Variants in ZFAT observed in about 807,000 individuals in gnomAD.
ZFAT encodes the protein zinc finger protein ZFAT.
Under a neutral mutation model 117.7 loss-of-function variants are expected in ZFAT, and 64 were observed. The ratio of observed to expected loss-of-function variants is 0.54; its 90% confidence interval spans 0.44 to 0.67. The LOEUF (loss-of-function observed/expected upper bound fraction) is 0.67, where lower values mean the gene tolerates loss of function less well. Ranked by LOEUF, ZFAT falls within the 30% of genes least tolerant of loss-of-function variation. The probability of loss-of-function intolerance (pLI) is 0.00; values close to 1 mark genes in which losing one functional copy is unlikely to be tolerated. For missense variants in ZFAT, 1,433 were observed against 1,584.5 expected (o/e 0.90, Z 1.62); for synonymous variants, 679 against 615.0 (o/e 1.10, Z -1.54).
rs1031953969 is a variant in ZFAT at position 134,528,989 on chromosome 8, T to G, written c.3115+3845A>C. Among the ~76,000 whole-genome samples the G allele has an allele frequency of 1.1e-4, 17 of 152,244 alleles. 1 individual carries two copies. Among genetic ancestry groups the G allele is most frequent in the Non-Finnish European group, 7.3e-5 (5 of 68,044 alleles). ...TTTGAGCCATTCATCAAGAACTTAC[T>G]GTCGGCACTCTCTGGGAATCTTAGA... On this transcript the variant is annotated intron_variant, in intron 12 of 15. Coordinates refer to ENST00000377838, the MANE Select transcript of ZFAT (RefSeq NM_020863.4).
At chr8:134,828,722 T>C in the ZFAT span, among the ~76,000 whole-genome samples, 2 of 152,210 alleles carry the variant, frequency 1.3e-5, no homozygotes, top group Admixed American at 1.3e-4. Flanking sequence ...TGAATTAAAC[T>C]TCCCAAGTAC....
the ZFAT span, among the ~76,000 whole-genome samples, chr8:134,727,092 C>G: frequency 3.4e-5 from 5 of 148,868 alleles, no homozygotes; most frequent in Non-Finnish European, 7.4e-5. Context: ...TGACGCTAAA[C>G]AAGCACAAGA....
Position 134,637,649 on chromosome 8 carries a change from T to C in ZFAT, c.260A>G (p.Glu87Gly). ...PKGSTKKSST[E>G]EELAENIVSP... ...CACGATGTTTTCTGCCAGCTCCTCT[T>C]CTGTGCTGGACTTCTTCGTGGACCC... is the stretch of plus-strand genomic sequence containing the variant. The change falls in exon 3 of 16, where the codon GAA (glutamate) becomes GGA (glycine). Residue 87 changes from glutamate (E) to glycine (G), a missense_variant. Glu to Gly is a moderately conservative substitution (Grantham distance 98). Coordinates refer to ENST00000377838, the MANE Select transcript of ZFAT (RefSeq NM_020863.4). 1 of 1,614,170 alleles carries C rather than the reference T, an allele frequency of 6.2e-7. No individual in the cohort carries two copies. The highest frequency in any genetic ancestry group is 2.2e-5 in the East Asian group (1 of 44,882).
At chr8:134,785,039 A>C in the ZFAT span, 11 of 152,336 alleles carry the variant, frequency 7.2e-5, no homozygotes, top group East Asian at 2.1e-3. Context: ...GTTATAAGCA[A>C]TATGTAATTT....
intron 1 of ZFAT, 135 bp from the exon 2 acceptor site, chr8:134,657,872 G>T (rs1182879547): frequency 1.5e-5 from 14 of 946,020 alleles, no homozygotes; most frequent in Non-Finnish European, 2.0e-5. Context: ...CTCTCTGGCA[G>T]TCACCTCCAT....
At chr8:134,539,902 T>C (rs1363707775) in intron 11 of ZFAT, among the ~76,000 whole-genome samples, 1 of 152,182 alleles carries the variant, frequency 6.6e-6, no homozygotes, top group African/African-American at 2.4e-5. Context: ...ACAGTGGAGT[T>C]ACCCTGGCCA....
At chr8:134,755,368 G>A in the ZFAT span, among the ~76,000 whole-genome samples, 14 of 146,824 alleles carry the variant, frequency 9.5e-5, no homozygotes, top group Admixed American at 6.1e-4. Flanking sequence ...AGCCAAGATC[G>A]TGTCTCTGCA....
Position 134,588,333 on chromosome 8 carries a change from C to T in ZFAT, c.2626G>A (p.Gly876Arg). The change falls in exon 9 of 16, where the codon GGA (glycine) becomes AGA (arginine). Residue 876 changes from glycine (G) to arginine (R), a missense_variant. Around this residue, in one of 5 missense-constraint regions of ZFAT, gnomAD observed 503 missense variants for 543.4 expected, o/e 0.93. Coordinates refer to ENST00000377838, the MANE Select transcript of ZFAT (RefSeq NM_020863.4). ...GRRVQLKGLI[G>R]KRAMKCPYCD... ...TATGGGCATTTCATGGCTCTCTTTC[C>T]AATTAGCCCTTTCAGCTGAACCCTC... 6.3e-7 allele frequency: 1 copy of T among 1,592,092 alleles called. No homozygotes were observed.
At chr8:134,657,858 G>T in intron 1 of ZFAT, 121 bp from the exon 2 acceptor site, 1 of 1,089,674 alleles carries the variant, frequency 9.2e-7, no homozygotes, top group Non-Finnish European at 1.3e-6. Flanking sequence ...CTACCAGATT[G>T]TGTCTCTCTG....
At chr8:134,752,754 C>T in the ZFAT span, among the ~76,000 whole-genome samples, 5 of 152,188 alleles carry the variant, frequency 3.3e-5, no homozygotes, top group East Asian at 9.7e-4. Flanking sequence ...AGCACGCTCA[C>T]ATAGCAGAGA....
intron 1 of ZFAT, among the ~76,000 whole-genome samples, chr8:134,700,411 T>C (rs1833978930): frequency 6.6e-6 from 1 of 152,048 alleles, no homozygotes; most frequent in Non-Finnish European, 1.5e-5. Context: ...ACCCTGCCAA[T>C]GGAGGTAGAG....
chr8:134,702,383 T>C (rs1422715068), intron 1 of ZFAT, among the ~76,000 whole-genome samples: 1 of 152,204 alleles, frequency 6.6e-6, no homozygotes, highest in African/African-American at 2.4e-5. Flanking sequence ...TGGCTGCATT[T>C]CCACCCAAAT....
the ZFAT span, among the ~76,000 whole-genome samples, chr8:134,745,023 C>T: frequency 2.0e-5 from 3 of 152,102 alleles, no homozygotes; most frequent in Non-Finnish European, 2.9e-5. Context: ...CCACCGCGCC[C>T]GGCCAGGAAG....
chr8:134,497,080 G>T (rs745399029), intron 15 of ZFAT, among the ~76,000 whole-genome samples: 2 of 152,238 alleles, frequency 1.3e-5, no homozygotes, highest in African/African-American at 2.4e-5. Flanking sequence ...CAGCACGGGC[G>T]GGGTAGGTCT....
the ZFAT span, among the ~76,000 whole-genome samples, chr8:134,788,367 C>T: frequency 2.0e-5 from 3 of 152,024 alleles, no homozygotes; most frequent in Non-Finnish European, 4.4e-5. Context: ...TATTCTTTGA[C>T]CCAGGGACTA....
chr8:134,610,583 C>A lies in ZFAT; in HGVS notation c.521G>T (p.Arg174Leu). 2 of 1,614,152 alleles carry A rather than the reference C, an allele frequency of 1.2e-6. No individual in the cohort carries two copies. The highest frequency in any genetic ancestry group is 1.7e-6 in the Non-Finnish European group (2 of 1,180,022). ...DDREKASKRP[R>L]SQKTEKVQKI... Reference sequence around the variant, plus strand: ...CTGGACTTTCTCTGTTTTCTGTGACCGTGGTCTTTTCGAGGCTTTTTCCCG... The same window carrying A: ...CTGGACTTTCTCTGTTTTCTGTGACAGTGGTCTTTTCGAGGCTTTTTCCCG... Residue 174 changes from arginine (R) to leucine (L), a missense_variant, in exon 4 of 16, where the codon CGG becomes CTG. Transcript: ENST00000377838.
chr8:134,628,965 C>A (rs1829703996), intron 3 of ZFAT, among the ~76,000 whole-genome samples: 1 of 152,084 alleles, frequency 6.6e-6, no homozygotes, highest in African/African-American at 2.4e-5. Context: ...GGGGATAAAT[C>A]CCCCAAAATA....
intron 2 of ZFAT, among the ~76,000 whole-genome samples, chr8:134,647,993 G>C (rs889343460): frequency 6.6e-6 from 1 of 151,960 alleles, no homozygotes; most frequent in African/African-American, 2.4e-5. Context: ...TAACAACACT[G>C]TATTATATAC....
intron 3 of ZFAT, among the ~76,000 whole-genome samples, chr8:134,631,888 A>G (rs990036707): frequency 1.3e-5 from 2 of 152,236 alleles, no homozygotes; most frequent in African/African-American, 4.8e-5. Flanking sequence ...CTGTGAATTC[A>G]TAATTATTTC....
Sources: allele counts gnomAD v4.1 joint callset (sites outside exome capture counted in the v4.1 genomes callset), GRCh38; gene constraint gnomAD v4.1.1; regional missense constraint gnomAD v4.1.1; transcripts MANE v1.5; gene names NCBI Gene and HGNC (gene_info 2026-07-23, HGNC 2026-07-21).